Variants in NDEL1 observed in about 807,000 individuals in gnomAD.
NDEL1 encodes the protein nudE neurodevelopment protein 1 like 1, also known as nuclear distribution protein nudE-like 1.
NDEL1 carries 9 observed loss-of-function variants against 45.7 expected under a neutral mutation model. The ratio of observed to expected loss-of-function variants is 0.20; its 90% confidence interval spans 0.12 to 0.34. The LOEUF (loss-of-function observed/expected upper bound fraction) is 0.34. NDEL1 is among the 10% of genes least tolerant of loss of function. The probability of loss-of-function intolerance (pLI) is 1.00; values close to 1 mark genes in which losing one functional copy is unlikely to be tolerated. For synonymous variants in NDEL1, 133 were observed against 158.6 expected (o/e 0.84, Z 1.21); for missense variants, 306 against 406.2 (o/e 0.75, Z 2.12).
upstream of NDEL1, chr17:8,435,778 C>G (rs895023173): frequency 1.1e-4 from 41 of 368,874 alleles, no homozygotes; most frequent in Non-Finnish European, 1.8e-4. Flanking sequence ...TGGCCCGCCC[C>G]CTGTGACACC....
At chr17:8,461,807 T>C (rs1597557387) in intron 8 of NDEL1, among the ~76,000 whole-genome samples, 2 of 151,854 alleles carry the variant, frequency 1.3e-5, no homozygotes, top group Non-Finnish European at 2.9e-5. Flanking sequence ...TCTACTAGAG[T>C]AGTTATTAGT....
chr17:8,440,003 C>T (rs980887951), intron 1 of NDEL1, among the ~76,000 whole-genome samples: 5 of 152,118 alleles, frequency 3.3e-5, no homozygotes, highest in African/African-American at 4.8e-5. Context: ...TTTGGCTTCC[C>T]GGTCTGGGCT....
intron 1 of NDEL1, among the ~76,000 whole-genome samples, chr17:8,420,503 G>T (rs961976934): frequency 1.3e-5 from 2 of 152,190 alleles, no homozygotes; most frequent in African/African-American, 4.8e-5. Flanking sequence ...AGTTCAATTT[G>T]CATCTGGGAC....
chr17:8,419,814 G>A (rs1362570284), intron 1 of NDEL1, among the ~76,000 whole-genome samples: 5 of 152,088 alleles, frequency 3.3e-5, no homozygotes, highest in African/African-American at 7.2e-5. Flanking sequence ...GGGAGTGATC[G>A]GGAAGGGTCA....
intron 5 of NDEL1, among the ~76,000 whole-genome samples, chr17:8,449,270 C>T (rs961974529): frequency 1.3e-5 from 2 of 152,256 alleles, no homozygotes; most frequent in Non-Finnish European, 1.5e-5. Flanking sequence ...CGTGAGCCAC[C>T]GCGCCTGGCC....
chr17:8,420,436 C>T (rs1597511520), intron 1 of NDEL1, among the ~76,000 whole-genome samples: 1 of 152,212 alleles, frequency 6.6e-6, no homozygotes, highest in Non-Finnish European at 1.5e-5. Context: ...AGGACAATTA[C>T]ATCATCCCAC....
chr17:8,444,392 GCATTTGGAATA>G, intron 2 of NDEL1, 35 bp downstream of exon 2: 1 of 1,416,830 alleles, frequency 7.1e-7, no homozygotes, highest in Non-Finnish European at 9.9e-7. Context: ...GTAGGGGAGG[GCATTTGGAATA>G]CACCGTGTCT....
At chr17:8,457,990 C>A (rs1597552405) in intron 7 of NDEL1, among the ~76,000 whole-genome samples, 1 of 152,264 alleles carries the variant, frequency 6.6e-6, no homozygotes, top group East Asian at 1.9e-4. Flanking sequence ...TTTAAAGCTT[C>A]TTGAAAGCGT....
chr17:8,441,785 T>C (rs899087733), intron 1 of NDEL1, among the ~76,000 whole-genome samples: 4 of 152,156 alleles, frequency 2.6e-5, no homozygotes, highest in Middle Eastern at 3.2e-3. Context: ...CTGGGACTTT[T>C]CATTGCAGCC....
At chr17:8,429,386 T>A (rs562195562) in intron 1 of NDEL1, among the ~76,000 whole-genome samples, 1 of 152,188 alleles carries the variant, frequency 6.6e-6, no homozygotes, top group Non-Finnish European at 1.5e-5. Flanking sequence ...TTGGGGGAGA[T>A]TGGACATCTC....
intron 1 of NDEL1, among the ~76,000 whole-genome samples, chr17:8,421,484 C>T (rs1278229550): frequency 6.6e-6 from 1 of 152,100 alleles, no homozygotes; most frequent in Non-Finnish European, 1.5e-5. Flanking sequence ...CAGCCACAAG[C>T]CAAGGAGCGC....
chr17:8,413,348 C>A, intron 1 of NDEL1: 1 of 152,456 alleles, frequency 6.6e-6, no homozygotes, highest in Non-Finnish European at 1.5e-5. Flanking sequence ...GAATGGGGGG[C>A]TCCTGATGTC....
At chr17:8,433,922 A>G (rs150402523), upstream of NDEL1, among the ~76,000 whole-genome samples, 3 of 152,330 alleles carry the variant, frequency 2.0e-5, no homozygotes, top group Non-Finnish European at 4.4e-5. Flanking sequence ...CTTTCCCACA[A>G]ACCCCATTAA....
chr17:8,435,805 G>A (rs1043687052), upstream of NDEL1: 4 of 346,028 alleles, frequency 1.2e-5, no homozygotes, highest in Admixed American at 3.8e-5. Context: ...GCCCCACCCC[G>A]CCCCGCATAC....
intron 7 of NDEL1, among the ~76,000 whole-genome samples, chr17:8,456,266 G>A (rs144940328): frequency 3.9e-5 from 6 of 152,198 alleles, no homozygotes; most frequent in Admixed American, 3.3e-4. Context: ...TGCACAGGTC[G>A]TTCCTACAGT....
chr17:8,461,904 G>A lies in NDEL1; in HGVS notation c.944+1744G>A, dbSNP rs1181255370. ...TCATAAATGGATAGGTCGGACAGGT[G>A]CCTGTGCGTGTGGAAGCCCTGAAGA... On this transcript the variant is annotated intron_variant, in intron 8 of 8. Coordinates refer to ENST00000334527, the MANE Select transcript of NDEL1 (RefSeq NM_030808.5). Among the ~76,000 whole-genome samples, 6 of 152,214 alleles carry A rather than the reference G, an allele frequency of 3.9e-5. No individual in the cohort carries two copies. The East Asian group carries it at 1.2e-3, about 29-fold the overall frequency.
upstream of NDEL1, among the ~76,000 whole-genome samples, chr17:8,432,448 G>T (rs1056463813): frequency 5.6e-5 from 8 of 142,446 alleles, no homozygotes; most frequent in East Asian, 1.3e-3. Flanking sequence ...GTAGTGGCGC[G>T]ATCTCGGCTC....
At chr17:8,473,411 T>C (rs1035885203) in intron 3 of NDEL1, among the ~76,000 whole-genome samples, 1 of 152,186 alleles carries the variant, frequency 6.6e-6, no homozygotes, top group African/African-American at 2.4e-5. Flanking sequence ...GGATTCGAAC[T>C]TCTGACCTCA....
chr17:8,467,335 C>T lies in NDEL1; in HGVS notation c.*312C>T, dbSNP rs1203380805. 3.7e-6 allele frequency: 2 copies of T among 545,306 alleles called. No homozygotes were observed. Among genetic ancestry groups the T allele is most frequent in the Non-Finnish European group, 6.4e-6 (2 of 310,128 alleles). The allele number at this position is 545,306 out of a possible 1,614,324, so 33.8% of individuals were successfully genotyped here. A position where few individuals can be genotyped will look rare whatever the true frequency, so the allele number is the denominator to read the frequency against. The stretch of plus-strand genomic sequence containing the variant: ...ATGCAGAAGTACCCATTCATCACAC[C>T]TGCCCCATAGCCCCCACTCTGCTGT... On this transcript the variant is annotated 3_prime_UTR_variant, in exon 9 of 9. Coordinates refer to ENST00000334527, the MANE Select transcript of NDEL1 (RefSeq NM_030808.5). The surrounding 1 kb of genome is among the most constrained non-coding windows in gnomAD (Gnocchi z 6.3).
Sources: gnomAD v4.1 joint callset for allele counts (sites outside exome capture counted in the v4.1 genomes callset) on GRCh38, gnomAD v4.1.1 for gene constraint, Gnocchi (gnomAD v3.1) non-coding constraint, MANE v1.5 for transcripts, NCBI Gene and HGNC (gene_info 2026-07-23, HGNC 2026-07-21) for gene names.